The following SPMIP2 variants were observed in gnomAD, a reference collection of about 807,000 sequenced individuals.
SPMIP2 encodes sperm microtubule inner protein 2.
chr4:158,981,415 A>G, the SPMIP2 span, among the ~76,000 whole-genome samples: 2 of 152,308 alleles, frequency 1.3e-5, no homozygotes, highest in East Asian at 3.9e-4. Context: ...CAGAGTCACC[A>G]AAGTTGAAAT....
chr4:158,947,712 T>C, the SPMIP2 span, among the ~76,000 whole-genome samples: 24 of 151,900 alleles, frequency 1.6e-4, no homozygotes, highest in Non-Finnish European at 3.2e-4. Context: ...CCTTCAAAAG[T>C]AGAACAAAAA....
the SPMIP2 span, among the ~76,000 whole-genome samples, chr4:158,961,889 A>AT: frequency 8.1e-3 from 1,220 of 149,768 alleles, 17 homozygotes; most frequent in African/African-American, 0.028. Context: ...CAGATAAATT[A>AT]TTTTTTTTTT....
chr4:159,071,610 T>C, the SPMIP2 span, among the ~76,000 whole-genome samples: 1 of 152,152 alleles, frequency 6.6e-6, no homozygotes, highest in African/African-American at 2.4e-5. Flanking sequence ...CCCTGAAAAC[T>C]AAAGTCTGAA....
At chr4:159,060,851 G>A in the SPMIP2 span, among the ~76,000 whole-genome samples, 2 of 152,126 alleles carry the variant, frequency 1.3e-5, no homozygotes, top group African/African-American at 4.8e-5. Flanking sequence ...TTGGGAGGCC[G>A]AGGCAGGCAG....
the SPMIP2 span, among the ~76,000 whole-genome samples, chr4:158,979,418 C>G: frequency 1.3e-5 from 2 of 152,024 alleles, no homozygotes; most frequent in African/African-American, 4.8e-5. Flanking sequence ...AAAAGAAACT[C>G]CTGAGGAAGG....
chr4:158,981,586 A>G, the SPMIP2 span, among the ~76,000 whole-genome samples: 1 of 152,170 alleles, frequency 6.6e-6, no homozygotes, highest in African/African-American at 2.4e-5. Context: ...TCAACCCAGA[A>G]TTTCATATCT....
At chr4:159,021,568 G>A in the SPMIP2 span, among the ~76,000 whole-genome samples, 6 of 152,160 alleles carry the variant, frequency 3.9e-5, no homozygotes. Flanking sequence ...CCATACATGT[G>A]GACAATAATT....
the SPMIP2 span, among the ~76,000 whole-genome samples, chr4:158,930,503 C>T: frequency 0.022 from 2,374 of 110,328 alleles, 55 homozygotes; most frequent in African/African-American, 0.077. Flanking sequence ...CCTGTAATGC[C>T]TGGCTTTTTT....
At chr4:158,973,505 C>A in the SPMIP2 span, among the ~76,000 whole-genome samples, 1 of 152,084 alleles carries the variant, frequency 6.6e-6, no homozygotes, top group African/African-American at 2.4e-5. Flanking sequence ...TAATGCTTAT[C>A]TGTTAATTAA....
At chr4:158,922,733 T>G in the SPMIP2 span, among the ~76,000 whole-genome samples, 4 of 152,208 alleles carry the variant, frequency 2.6e-5, no homozygotes, top group African/African-American at 9.6e-5. Flanking sequence ...AGATACTTTA[T>G]AGTAACACTC....
the SPMIP2 span, chr4:159,007,872 TGTGTGTGG>T: frequency 3.9e-6 from 2 of 511,648 alleles, no homozygotes; most frequent in Admixed American, 4.4e-5. Flanking sequence ...ACCTATATGT[TGTGTGTGG>T]GAAAAAAAAG....
chr4:159,065,531 A>G, the SPMIP2 span, among the ~76,000 whole-genome samples: 2 of 152,198 alleles, frequency 1.3e-5, no homozygotes, highest in Non-Finnish European at 2.9e-5. Context: ...CAGCCTGGGC[A>G]GCATGGCGAA....
chr4:159,059,089 T>A, the SPMIP2 span, among the ~76,000 whole-genome samples: 1 of 152,232 alleles, frequency 6.6e-6, no homozygotes, highest in African/African-American at 2.4e-5. Context: ...TGCAGACATA[T>A]CATAGGATGG....
chr4:159,047,959 CAA>C, the SPMIP2 span, among the ~76,000 whole-genome samples: 1 of 152,158 alleles, frequency 6.6e-6, no homozygotes, highest in Non-Finnish European at 1.5e-5. Flanking sequence ...AGAGAAAGCA[CAA>C]AGAGGGAAAA....
the SPMIP2 span, among the ~76,000 whole-genome samples, chr4:158,915,638 G>A: frequency 6.6e-6 from 1 of 152,166 alleles, no homozygotes; most frequent in East Asian, 1.9e-4. Context: ...GCCAAGCATG[G>A]AAGATGCTGT....
chr4:158,983,711 C>T, the SPMIP2 span, among the ~76,000 whole-genome samples: 12 of 81,086 alleles, frequency 1.5e-4, no homozygotes, highest in Middle Eastern at 4.0e-3. Flanking sequence ...TAAAGACCAT[C>T]GAGACTAGGA....
the SPMIP2 span, among the ~76,000 whole-genome samples, chr4:158,993,196 A>G: frequency 6.6e-6 from 1 of 152,062 alleles, no homozygotes; most frequent in South Asian, 2.1e-4. Flanking sequence ...CCCTGTCTCT[A>G]CAAAAAAAAA....
At chr4:159,073,755 A>C in the SPMIP2 span, among the ~76,000 whole-genome samples, 1 of 152,162 alleles carries the variant, frequency 6.6e-6, no homozygotes, top group African/African-American at 2.4e-5. Flanking sequence ...TAATCCCAGC[A>C]CTTTGGGAGG....
the SPMIP2 span, among the ~76,000 whole-genome samples, chr4:159,027,483 T>C: frequency 3.3e-5 from 5 of 152,178 alleles, no homozygotes; most frequent in African/African-American, 1.2e-4. Flanking sequence ...AAAAGGCAGG[T>C]AAAAATAAAA....
Sources: gnomAD v4.1 joint callset for allele counts (sites outside exome capture counted in the v4.1 genomes callset) on GRCh38, gnomAD v4.1.1 for gene constraint, MANE v1.5 for transcripts, NCBI Gene and HGNC (gene_info 2026-07-23, HGNC 2026-07-21) for gene names.